PITPNM3: variants seen among roughly 807,000 people sequenced by gnomAD.
The protein encoded by PITPNM3 is PITPNM family member 3.
PITPNM3 carries 26 observed loss-of-function variants against 102.0 expected under a neutral mutation model. That is an observed-to-expected ratio of 0.25 (90% CI 0.19 to 0.35). The LOEUF (loss-of-function observed/expected upper bound fraction) is 0.35, where lower values mean the gene tolerates loss of function less well. Among genes scored for constraint, PITPNM3 ranks in the 10% least tolerant of loss-of-function variants. PITPNM3 has a pLI of 1.00. For synonymous variants in PITPNM3, 578 were observed against 558.6 expected, an observed-to-expected ratio of 1.03 and a Z score of -0.49; for missense variants, 1,083 against 1,346.1, an observed-to-expected ratio of 0.80 and a Z score of 3.06.
In PITPNM3 at chr17:6,483,735, G is replaced by A. The variant is rs1318267819; in HGVS notation, c.369C>T (p.Arg123=). 5.6e-6 allele frequency: 9 copies of A among 1,613,056 alleles called. No homozygotes were observed. Among genetic ancestry groups the A allele is most frequent in the Non-Finnish European group, 5.1e-6 (6 of 1,180,038 alleles). Residue 123 remains arginine (R), a synonymous_variant, in exon 6 of 20, where the codon CGC becomes CGT. Transcript: ENST00000262483. ...GCAGGAGGACATGTGTCTTGCAGGA[G>A]CGCTGCGGGCAGCCTTCCTGAGAGC... The part of the protein sequence containing the change: ...HEDSEEGCPQ[R]SCKTHVLLLV...
rs114773854 is a variant in PITPNM3 at position 6,458,157 on chromosome 17, G to C, written c.2491-435C>G. ...TGTGCCCACTGCCTCTCACTGGCTG[G>C]TGTGATGACCGCCCCCCTCCCCAAC... is the stretch of plus-strand genomic sequence containing the variant. On this transcript the variant is annotated intron_variant, in intron 18 of 19. Transcript: ENST00000262483. The surrounding 1 kb of genome is among the most constrained non-coding windows in gnomAD (Gnocchi z 5.1). Among the ~76,000 whole-genome samples, 1,039 of 152,070 alleles carry C rather than the reference G, an allele frequency of 6.8e-3. 18 individuals are homozygous for C. Among genetic ancestry groups the C allele is most frequent in the African/African-American group, 0.023 (970 of 41,436 alleles).
rs886053279 is a variant in PITPNM3, at chr17:6,451,889, C to CCCT, written c.*3448_*3449insAGG. Reference sequence around the variant, plus strand: ...GGCACCCAAACCCCCCCCCCCCGCCCGCCGATGGGATTCGGTGGGAAAGTT... The same window carrying CCCT: ...GGCACCCAAACCCCCCCCCCCCGCCCCCTGCCGATGGGATTCGGTGGGAAAGTT... On this transcript the variant is annotated 3_prime_UTR_variant, in exon 20 of 20. Coordinates refer to ENST00000262483, the MANE Select transcript of PITPNM3 (RefSeq NM_031220.4). 1 of 19,260 alleles carries CCCT rather than the reference C, an allele frequency of 5.2e-5. No homozygotes were observed. The highest frequency in any genetic ancestry group is 2.3e-4 in the African/African-American group (1 of 4,340). The allele number at this position is 19,260 out of a possible 1,614,324, so 1.2% of individuals were successfully genotyped here. A position where few individuals can be genotyped will look rare whatever the true frequency, so the allele number is the denominator to read the frequency against.
Position 6,556,554 on chromosome 17 carries a change from C to T in PITPNM3, c.-148G>A. ...TCGGCTGCCGCCACCGCAGCCGCCGCCGCCTCGCCGCTCCCTCCCGCTCCC... is the reference window on the plus strand; with the variant it reads ...TCGGCTGCCGCCACCGCAGCCGCCGTCGCCTCGCCGCTCCCTCCCGCTCCC... On this transcript the variant is annotated 5_prime_UTR_variant, in exon 1 of 20. Coordinates refer to ENST00000262483, the MANE Select transcript of PITPNM3 (RefSeq NM_031220.4). The surrounding 1 kb of genome is among the most constrained non-coding windows in gnomAD (Gnocchi z 5.2). The T allele has an allele frequency of 2.8e-6, 1 of 352,948 alleles. No individual in the cohort carries two copies. The highest frequency in any genetic ancestry group is 3.9e-6 in the Non-Finnish European group (1 of 253,454). 21.9% of individuals were successfully genotyped at this position (352,948 alleles called of 1,614,324 possible).
At chr17:6,521,616 A>T (rs1479121631) in intron 3 of PITPNM3, among the ~76,000 whole-genome samples, 1 of 150,386 alleles carries the variant, frequency 6.6e-6, no homozygotes, top group Admixed American at 6.6e-5. Context: ...CCTTTCCATT[A>T]AAAAAAAATA....
chr17:6,521,073 G>A (rs148303639), intron 3 of PITPNM3: 1 of 152,368 alleles, frequency 6.6e-6, no homozygotes, highest in African/African-American at 2.4e-5. Context: ...GATGGTTGCA[G>A]AGCGATGTGA....
At position 6,484,276 on chromosome 17, in the gene PITPNM3, A is replaced by G; in HGVS notation, c.291T>C (p.Val97=). Residue 97 remains valine, a synonymous_variant, in exon 5 of 20, where the codon GTT becomes GTC. Coordinates refer to ENST00000262483, the MANE Select transcript of PITPNM3 (RefSeq NM_031220.4). The part of the protein sequence containing the change: ...LQEKQRELYR[V]SLRRQRFPAQ... Reference sequence around the variant, plus strand: ...CTGGGAACCTCTGTCTTCTCAAGGAAACCCGGTACAGTTCTCCTGCAGAGG... The same window carrying G: ...CTGGGAACCTCTGTCTTCTCAAGGAGACCCGGTACAGTTCTCCTGCAGAGG... 1 of 1,608,596 alleles carries G rather than the reference A, an allele frequency of 6.2e-7. No individual in the cohort carries two copies.
intron 3 of PITPNM3, among the ~76,000 whole-genome samples, chr17:6,512,787 A>C (rs938147010): frequency 6.6e-6 from 1 of 152,188 alleles, no homozygotes; most frequent in Non-Finnish European, 1.5e-5. Context: ...CCTGTCAACA[A>C]GAACGTGGCC....
chr17:6,485,198 G>T (rs1243896448), intron 4 of PITPNM3, among the ~76,000 whole-genome samples: 2 of 140,954 alleles, frequency 1.4e-5, no homozygotes, highest in African/African-American at 5.3e-5. Flanking sequence ...CACTCTTGTT[G>T]CCCAGGCTGG....
chr17:6,489,267 T>C (rs146867915), intron 4 of PITPNM3, among the ~76,000 whole-genome samples: 1,705 of 152,248 alleles, frequency 0.011, 22 homozygotes, highest in South Asian at 0.047. Flanking sequence ...GGGTGGATGC[T>C]GAGGGCCCAC....
intron 4 of PITPNM3, among the ~76,000 whole-genome samples, chr17:6,488,645 T>G (rs1906239969): frequency 6.6e-6 from 1 of 152,184 alleles, no homozygotes; most frequent in African/African-American, 2.4e-5. Flanking sequence ...TTCAAAGTAC[T>G]CACAGGAACT....
intron 3 of PITPNM3, among the ~76,000 whole-genome samples, chr17:6,509,349 A>G (rs1423722174): frequency 6.6e-6 from 1 of 152,200 alleles, no homozygotes; most frequent in Non-Finnish European, 1.5e-5. Context: ...GAAACAGGAG[A>G]GCCTTCCTGC....
chr17:6,556,421 G>T lies in PITPNM3; in HGVS notation c.-15C>A. On this transcript the variant is annotated 5_prime_UTR_variant, in exon 1 of 20. Coordinates refer to ENST00000262483, the MANE Select transcript of PITPNM3 (RefSeq NM_031220.4). This position sits in a 1 kb window ranked among gnomAD's most constrained non-coding sequence, Gnocchi z 5.2. Reference sequence around the variant, plus strand: ...GCCTTGGCCATGTCCCGGGCGGCGGGCTCCGGCGGCGCTACGCGCGCTCCT... The same window carrying T: ...GCCTTGGCCATGTCCCGGGCGGCGGTCTCCGGCGGCGCTACGCGCGCTCCT... 2.3e-6 allele frequency: 3 copies of T among 1,279,188 alleles called. No individual in the cohort carries two copies. Among genetic ancestry groups the T allele is most frequent in the Non-Finnish European group, 2.0e-6 (2 of 1,012,666 alleles). 79.2% of individuals were successfully genotyped at this position (1,279,188 alleles called of 1,614,324 possible).
chr17:6,473,999 G>A (rs1279023881), intron 10 of PITPNM3, among the ~76,000 whole-genome samples: 1 of 147,956 alleles, frequency 6.8e-6, no homozygotes, highest in Non-Finnish European at 1.5e-5. Flanking sequence ...AAAAAAAAAG[G>A]TTGCAGGTAT....
At chr17:6,542,383 T>C (rs1909777342) in intron 1 of PITPNM3, among the ~76,000 whole-genome samples, 1 of 152,222 alleles carries the variant, frequency 6.6e-6, no homozygotes, top group Non-Finnish European at 1.5e-5. Flanking sequence ...CTTACCCACT[T>C]GCCAGCCCCC....
At chr17:6,512,691 G>C (rs546873048) in intron 3 of PITPNM3, among the ~76,000 whole-genome samples, 1 of 152,254 alleles carries the variant, frequency 6.6e-6, no homozygotes, top group East Asian at 1.9e-4. Flanking sequence ...CCAGAGTCAG[G>C]GGGTGAATGG....
At chr17:6,548,760 C>T (rs1389875802) in intron 1 of PITPNM3, among the ~76,000 whole-genome samples, 1 of 152,124 alleles carries the variant, frequency 6.6e-6, no homozygotes, top group Non-Finnish European at 1.5e-5. Flanking sequence ...CAGGACGTGA[C>T]GTGCTCTGCA....
intron 3 of PITPNM3, among the ~76,000 whole-genome samples, chr17:6,505,776 G>A (rs894048756): frequency 1.3e-5 from 2 of 152,248 alleles, no homozygotes; most frequent in African/African-American, 4.8e-5. Flanking sequence ...GGCCATGGAG[G>A]ATACAGAGAT....
chr17:6,535,529 G>C (rs1909365012), intron 2 of PITPNM3, among the ~76,000 whole-genome samples: 1 of 152,278 alleles, frequency 6.6e-6, no homozygotes, highest in East Asian at 1.9e-4. Context: ...AGATGGGAGG[G>C]AGGCTGCAGA....
chr17:6,468,680 G>A lies in PITPNM3; in HGVS notation c.1774-339C>T, dbSNP rs964310489. On this transcript the variant is annotated intron_variant, in intron 13 of 19. Coordinates refer to ENST00000262483, the MANE Select transcript of PITPNM3 (RefSeq NM_031220.4). This position sits in a 1 kb window ranked among gnomAD's most constrained non-coding sequence, Gnocchi z 5.2. Reference sequence around the variant, plus strand: ...AAGGCCGGCTTGAGTCCTGATCCCAGCCCCTCCTTGCTTCTTGAGGACGTT... The same window carrying A: ...AAGGCCGGCTTGAGTCCTGATCCCAACCCCTCCTTGCTTCTTGAGGACGTT... Among the ~76,000 whole-genome samples, 5 of 152,078 alleles carry A rather than the reference G, an allele frequency of 3.3e-5. No homozygotes were observed. Among genetic ancestry groups the A allele is most frequent in the African/African-American group, 1.2e-4 (5 of 41,386 alleles).
Sources: gnomAD v4.1 joint callset for allele counts (sites outside exome capture counted in the v4.1 genomes callset) on GRCh38, gnomAD v4.1.1 for gene constraint, Gnocchi (gnomAD v3.1) non-coding constraint, MANE v1.5 for transcripts, NCBI Gene and HGNC (gene_info 2026-07-23, HGNC 2026-07-21) for gene names.